The following ACOXL variants were observed in gnomAD, a reference collection of about 807,000 sequenced individuals.
The protein encoded by ACOXL is acyl-coenzyme A oxidase-like protein.
In ACOXL, 70 loss-of-function variants were observed where a neutral mutation model predicts 71.9. The observed-to-expected ratio is 0.97, with a 90% CI of 0.80 to 1.19. ACOXL has a LOEUF of 1.19. Ranked by LOEUF, ACOXL falls within the 50% of genes most tolerant of loss-of-function variation. ACOXL has a pLI of 0.00. For synonymous variants in ACOXL, 253 were observed against 281.6 expected (o/e 0.90, Z 1.02); for missense variants, 703 against 736.3 (o/e 0.95, Z 0.52).
chr2:110,795,865 T>G (rs1401485708), intron 5 of ACOXL: 1 of 152,196 alleles, frequency 6.6e-6, no homozygotes, highest in African/African-American at 2.4e-5. Context: ...TTTACAAAAA[T>G]AATTTCCTGT....
intron 8 of ACOXL, among the ~76,000 whole-genome samples, chr2:110,803,005 TTA>T (rs932889434): frequency 6.6e-6 from 1 of 152,158 alleles, no homozygotes; most frequent in Non-Finnish European, 1.5e-5. Context: ...TGTACAATTA[TTA>T]TATGTCAATT....
intron 11 of ACOXL, among the ~76,000 whole-genome samples, chr2:110,929,478 G>A (rs1381029382): frequency 6.6e-6 from 1 of 152,200 alleles, no homozygotes; most frequent in African/African-American, 2.4e-5. Flanking sequence ...CAGTATAAAT[G>A]CTCAGAAAAT....
chr2:110,904,102 C>T (rs888250052), intron 10 of ACOXL, among the ~76,000 whole-genome samples: 1 of 152,220 alleles, frequency 6.6e-6, no homozygotes, highest in Non-Finnish European at 1.5e-5. Flanking sequence ...AGTAAACTCC[C>T]TGCTCAGTGC....
chr2:110,751,298 C>CAAAAA (rs765632647), intron 1 of ACOXL, among the ~76,000 whole-genome samples: 1 of 44,008 alleles, frequency 2.3e-5, no homozygotes, highest in Non-Finnish European at 5.3e-5. Flanking sequence ...GACTCCGTCT[C>CAAAAA]AAAAAAAAAA....
At chr2:111,082,697 G>GGATT (rs1282236302) in intron 16 of ACOXL, among the ~76,000 whole-genome samples, 1 of 152,066 alleles carries the variant, frequency 6.6e-6, no homozygotes, top group Non-Finnish European at 1.5e-5. Flanking sequence ...TATACCCAAA[G>GGATT]GATTATAAAT....
intron 15 of ACOXL, among the ~76,000 whole-genome samples, chr2:111,043,144 G>A (rs756384250): frequency 1.3e-5 from 2 of 152,178 alleles, no homozygotes; most frequent in African/African-American, 4.8e-5. Flanking sequence ...ATGCTCTGCC[G>A]CTCTCTGGAA....
At position 110,887,058 on chromosome 2, in the gene ACOXL, G is replaced by C. The variant is rs151251647; in HGVS notation, c.789-21731G>C. On this transcript the variant is annotated intron_variant, in intron 10 of 17. Coordinates refer to ENST00000439055, the MANE Select transcript of ACOXL (RefSeq NM_001142807.4). The stretch of plus-strand genomic sequence containing the variant: ...GGCCTGGCGTCCACGGGTCTGCTGT[G>C]TATGTCTCTCCAGGCAGATGGCCTG... 421 of 524,048 alleles carry C rather than the reference G, an allele frequency of 8.0e-4. 3 individuals are homozygous for C. The highest frequency in any genetic ancestry group is 7.5e-3 in the African/African-American group (391 of 52,434). 32.5% of individuals were successfully genotyped at this position (524,048 alleles called of 1,614,324 possible).
At chr2:110,733,499 T>C (rs1676453737) in intron 1 of ACOXL, among the ~76,000 whole-genome samples, 1 of 152,108 alleles carries the variant, frequency 6.6e-6, no homozygotes. Flanking sequence ...TCAAGCAGTC[T>C]GAAAAGCCCA....
intron 2 of ACOXL, among the ~76,000 whole-genome samples, chr2:110,783,277 A>G (rs1452052513): frequency 1.3e-5 from 2 of 152,204 alleles, no homozygotes. Context: ...GTCTGCAACT[A>G]TCTGCTTTAG....
intron 14 of ACOXL, among the ~76,000 whole-genome samples, chr2:111,016,037 A>G (rs2064414931): frequency 1.3e-5 from 2 of 151,966 alleles, no homozygotes; most frequent in South Asian, 2.1e-4. Context: ...GGCTCAGGCA[A>G]TCCTCCTGCG....
At chr2:110,981,273 G>T (rs939819532) in intron 12 of ACOXL, among the ~76,000 whole-genome samples, 4 of 152,158 alleles carry the variant, frequency 2.6e-5, no homozygotes, top group Non-Finnish European at 5.9e-5. Context: ...CAGGAGAATC[G>T]CTTGAACCCG....
chr2:110,975,415 A>AGT (rs3059265), intron 12 of ACOXL, among the ~76,000 whole-genome samples: 17,885 of 150,152 alleles, frequency 0.12, 1,349 homozygotes, highest in East Asian at 0.33. Flanking sequence ...TGTTTGTGTG[A>AGT]GTGTGTGTGT....
At chr2:110,817,400 T>TACGGAATGACTTGAGGGTC (rs1688042669) in intron 9 of ACOXL, among the ~76,000 whole-genome samples, 1 of 151,776 alleles carries the variant, frequency 6.6e-6, no homozygotes, top group Non-Finnish European at 1.5e-5. Flanking sequence ...ACTTGAGGAT[T>TACGGAATGACTTGAGGGTC]ACGGAATGAC....
intron 1 of ACOXL, among the ~76,000 whole-genome samples, chr2:110,762,224 C>A (rs1161116712): frequency 6.6e-6 from 1 of 152,050 alleles, no homozygotes; most frequent in Non-Finnish European, 1.5e-5. Context: ...TTTCAACTTG[C>A]TTATGTCACT....
At chr2:110,988,628 C>A (rs777090008) in intron 13 of ACOXL, among the ~76,000 whole-genome samples, 1 of 151,904 alleles carries the variant, frequency 6.6e-6, no homozygotes, top group Non-Finnish European at 1.5e-5. Context: ...TAAATTTACA[C>A]CCCCATTAGC....
At chr2:110,989,614 G>A (rs540615564) in intron 13 of ACOXL, among the ~76,000 whole-genome samples, 4 of 152,200 alleles carry the variant, frequency 2.6e-5, no homozygotes, top group Non-Finnish European at 5.9e-5. Flanking sequence ...GGGCTAAGAA[G>A]AGGAGAGAAT....
chr2:110,790,180 C>T (rs1308741407), intron 3 of ACOXL, among the ~76,000 whole-genome samples: 1 of 152,212 alleles, frequency 6.6e-6, no homozygotes, highest in Admixed American at 6.5e-5. Context: ...ACTGTAACCT[C>T]CTGGGACGTG....
intron 10 of ACOXL, among the ~76,000 whole-genome samples, chr2:110,865,360 C>G (rs1256021460): frequency 1.3e-5 from 2 of 152,194 alleles, no homozygotes; most frequent in Non-Finnish European, 2.9e-5. Flanking sequence ...AGATCTGCCT[C>G]TCAAACCCTT....
intron 15 of ACOXL, 56 bp from the exon 16 acceptor site, chr2:111,049,162 G>T: frequency 7.3e-7 from 1 of 1,366,860 alleles, no homozygotes; most frequent in Non-Finnish European, 1.0e-6. Context: ...CTTCACATCA[G>T]AAGGGCTCTG....
Sources: allele counts gnomAD v4.1 joint callset (sites outside exome capture counted in the v4.1 genomes callset), GRCh38; gene constraint gnomAD v4.1.1; transcripts MANE v1.5; gene names NCBI Gene and HGNC (gene_info 2026-07-23, HGNC 2026-07-21).